Variants in SLC51A observed in about 807,000 individuals in gnomAD.
SLC51A encodes solute carrier family 51 member A, also known as organic solute transporter subunit alpha.
SLC51A carries 22 observed loss-of-function variants against 34.8 expected under a neutral mutation model. The observed-to-expected ratio is 0.63, with a 90% confidence interval of 0.45 to 0.90. The LOEUF is 0.90. Ranked by LOEUF, SLC51A falls within the 40% of genes least tolerant of loss-of-function variation. The pLI, the probability that SLC51A is intolerant of heterozygous loss-of-function variation, is 0.00. For missense variants in SLC51A, 371 were observed against 414.8 expected (o/e 0.89, Z 0.92); for synonymous variants, 181 against 176.3 (o/e 1.03, Z -0.21).
In SLC51A at chr3:196,232,432, T is replaced by C; in HGVS notation, c.794T>C (p.Leu265Pro). The C allele has an allele frequency of 6.2e-7, 1 of 1,614,086 alleles. No individual in the cohort carries two copies. Among genetic ancestry groups the C allele is most frequent in the Non-Finnish European group, 8.5e-7 (1 of 1,179,900 alleles). ...KFALFQVLLI[L>P]TALQPSIFSV... Reference sequence around the variant, plus strand: ...TATGTTCCGCAGGTTCTCCTCATCCTGACTGCCCTACAGCCCTCCATCTTC... The same window carrying C: ...TATGTTCCGCAGGTTCTCCTCATCCCGACTGCCCTACAGCCCTCCATCTTC... Residue 265 changes from leucine to proline, a missense_variant, in exon 8 of 9, where the codon CTG becomes CCG. By Grantham distance (98) the Leu-to-Pro change is moderately conservative. Coordinates refer to ENST00000296327, the MANE Select transcript of SLC51A (RefSeq NM_152672.6).
intron 6 of SLC51A, among the ~76,000 whole-genome samples, chr3:196,229,538 C>T (rs1723979758): frequency 6.6e-6 from 1 of 151,750 alleles, no homozygotes; most frequent in South Asian, 2.1e-4. Flanking sequence ...CCACCACCCC[C>T]GGCTAATTTT....
intron 2 of SLC51A, among the ~76,000 whole-genome samples, chr3:196,223,068 C>A (rs527755270): frequency 6.6e-6 from 1 of 151,838 alleles, no homozygotes; most frequent in South Asian, 2.1e-4. Flanking sequence ...CTCCCATATC[C>A]ACGAGTACAC....
In SLC51A at chr3:196,216,554, G is replaced by T; in HGVS notation, c.-159G>T. The T allele has an allele frequency of 2.6e-6, 2 of 769,496 alleles. No individual in the cohort carries two copies. Among genetic ancestry groups the T allele is most frequent in the Non-Finnish European group, 4.5e-6 (2 of 448,722 alleles). The allele number at this position is 769,496 out of a possible 1,614,324, so 47.7% of individuals were successfully genotyped here. ...ACTCTGAGATAGAAAGTTGGCCCGG[G>T]AAGCTCAAGGAGGGAGAGCGGCAGA... On this transcript the variant is annotated 5_prime_UTR_variant, in exon 1 of 9. Transcript: ENST00000296327. This position sits in a 1 kb window ranked among gnomAD's most constrained non-coding sequence, Gnocchi z 4.5.
At chr3:196,231,649 A>C (rs1023593142) in intron 7 of SLC51A, among the ~76,000 whole-genome samples, 1 of 152,150 alleles carries the variant, frequency 6.6e-6, no homozygotes, top group African/African-American at 2.4e-5. Context: ...ACTTGAGACC[A>C]GGCCGAAAGA....
intron 2 of SLC51A, among the ~76,000 whole-genome samples, chr3:196,222,098 C>A (rs575437608): frequency 1.3e-5 from 2 of 152,272 alleles, no homozygotes; most frequent in South Asian, 4.1e-4. Flanking sequence ...AATATGCAAG[C>A]ATGGAAATAA....
At position 196,228,747 on chromosome 3, in the gene SLC51A, G is replaced by A. The variant is rs905036679; in HGVS notation, c.522-62G>A. On this transcript the variant is annotated intron_variant, in intron 5 of 8. Transcript: ENST00000296327. This position sits in a 1 kb window ranked among gnomAD's most constrained non-coding sequence, Gnocchi z 4.9. ...CAGCCCAGGAGCCCTGTGAGGAGCC[G>A]GGGCGTCTTCCTGGGGCAGGGGGTT... 1.8e-5 allele frequency: 26 copies of A among 1,408,550 alleles called. No individual in the cohort carries two copies. The highest frequency in any genetic ancestry group is 4.6e-5 in the South Asian group (4 of 86,862). 87.3% of individuals were successfully genotyped at this position (1,408,550 alleles called of 1,614,324 possible).
intron 2 of SLC51A, among the ~76,000 whole-genome samples, chr3:196,224,414 G>A (rs1002643305): frequency 6.8e-6 from 1 of 146,656 alleles, no homozygotes; most frequent in African/African-American, 2.5e-5. Flanking sequence ...GCGGTTGTCG[G>A]CTGGACCCGG....
chr3:196,227,297 T>G, intron 3 of SLC51A, 178 bp downstream of exon 3: 1 of 649,760 alleles, frequency 1.5e-6, no homozygotes, highest in East Asian at 2.8e-5. Flanking sequence ...TGGAAGGCTG[T>G]GCAGTGTTTG....
At chr3:196,217,779 G>T (rs1723633527) in intron 1 of SLC51A, 63 bp from the exon 2 acceptor site, 6 of 1,419,344 alleles carry the variant, frequency 4.2e-6, no homozygotes, top group Non-Finnish European at 5.9e-6. Flanking sequence ...TGAGGGTCCA[G>T]TGTGCAACCC....
intron 2 of SLC51A, among the ~76,000 whole-genome samples, chr3:196,225,348 C>T (rs765112876): frequency 3.3e-5 from 5 of 152,146 alleles, no homozygotes; most frequent in African/African-American, 4.8e-5. Context: ...TGCGACTGAC[C>T]GAGACAAGAG....
intron 3 of SLC51A, 102 bp downstream of exon 3, chr3:196,227,221 C>G: frequency 1.1e-6 from 1 of 933,438 alleles, no homozygotes; most frequent in African/African-American, 1.6e-5. Context: ...AAAGAGTGTC[C>G]TGCCACGACC....
At position 196,228,873 on chromosome 3, in the gene SLC51A, C is replaced by G. The variant is rs145114474; in HGVS notation, c.586C>G (p.Leu196Val). The G allele has an allele frequency of 9.7e-5, 157 of 1,614,070 alleles. No homozygotes were observed. The highest frequency in any genetic ancestry group is 1.2e-4 in the Non-Finnish European group (142 of 1,180,032). Residue 196 changes from leucine to valine, a missense_variant, in exon 6 of 9, where the codon CTG becomes GTG. Leu to Val is a conservative substitution (Grantham distance 32). Transcript: ENST00000296327. This position sits in a 1 kb window ranked among gnomAD's most constrained non-coding sequence, Gnocchi z 4.9. ...QYAFLKITLT[L>V]VGLFLVPDGI... is the part of the protein sequence containing the mutation. ...CGCCTTCTTGAAGATAACGCTGACC[C>G]TGGTGGGCCTGTTTCTCGTCCCCGA... is the stretch of plus-strand genomic sequence containing the variant.
chr3:196,223,413 A>G (rs1723814532), intron 2 of SLC51A, among the ~76,000 whole-genome samples: 1 of 151,846 alleles, frequency 6.6e-6, no homozygotes, highest in Non-Finnish European at 1.5e-5. Context: ...GTAAATACAA[A>G]TAGCCCTGAT....
intron 2 of SLC51A, among the ~76,000 whole-genome samples, chr3:196,220,519 C>A (rs923234362): frequency 1.3e-5 from 2 of 152,092 alleles, no homozygotes; most frequent in African/African-American, 4.8e-5. Flanking sequence ...ATCGCTTGAA[C>A]CCGGGAGGCA....
rs538670663 is a variant in SLC51A, at chr3:196,226,957, T to C, written c.134-8T>C. The C allele has an allele frequency of 2.5e-4, 396 of 1,607,270 alleles. 5 individuals are homozygous for C. The South Asian group carries it at 4.2e-3, about 17-fold the overall frequency. ...CGGTCGTCAGCTCTCTGCCTTCTCC[T>C]CCTCTAGCCCTGGGCCCTGTGGAAC... On this transcript the variant is annotated splice_region_variant and splice_polypyrimidine_tract_variant and intron_variant, in intron 2 of 8. Coordinates refer to ENST00000296327, the MANE Select transcript of SLC51A (RefSeq NM_152672.6).
Position 196,228,792 on chromosome 3 carries a change from C to T in SLC51A, c.522-17C>T. ...GGGGTTTGTGGGCCCATGTTCCTAA[C>T]CCTCTTCCCCACTCAGGAAGAAGCT... On this transcript the variant is annotated splice_polypyrimidine_tract_variant and intron_variant, in intron 5 of 8. Transcript: ENST00000296327. The surrounding 1 kb of genome is among the most constrained non-coding windows in gnomAD (Gnocchi z 4.9). The T allele has an allele frequency of 6.2e-7, 1 of 1,606,902 alleles. No individual in the cohort carries two copies. The highest frequency in any genetic ancestry group is 1.1e-5 in the South Asian group (1 of 90,908).
intron 8 of SLC51A, chr3:196,232,760 T>C: frequency 1.7e-6 from 1 of 583,936 alleles, no homozygotes; most frequent in Non-Finnish European, 3.0e-6. Flanking sequence ...CAGGAAGCCA[T>C]GGGTTCAGTC....
intron 1 of SLC51A, 128 bp from the exon 2 acceptor site, chr3:196,217,712 AAG>A (rs1009280224): frequency 3.5e-5 from 22 of 630,998 alleles, no homozygotes; most frequent in African/African-American, 5.5e-5. Flanking sequence ...GAAAGAAAGA[AAG>A]AGAGAGAAAG....
Position 196,228,009 on chromosome 3 carries a change from C to T in SLC51A, c.363-106C>T. On this transcript the variant is annotated intron_variant, in intron 4 of 8. Transcript: ENST00000296327. The surrounding 1 kb of genome is among the most constrained non-coding windows in gnomAD (Gnocchi z 4.9). ...TCCCTCGCCCCTCTTGGGTCACACA[C>T]CCAGAACGCCCAGCCCTAGCTCTGC... 2 of 1,470,530 alleles carry T rather than the reference C, an allele frequency of 1.4e-6. No homozygotes were observed. The highest frequency in any genetic ancestry group is 2.0e-5 in the Admixed American group (1 of 49,708). 91.1% of individuals were successfully genotyped at this position (1,470,530 alleles called of 1,614,324 possible).
Sources: allele counts gnomAD v4.1 joint callset (sites outside exome capture counted in the v4.1 genomes callset), GRCh38; gene constraint gnomAD v4.1.1; non-coding constraint Gnocchi (gnomAD v3.1); transcripts MANE v1.5; gene names NCBI Gene and HGNC (gene_info 2026-07-23, HGNC 2026-07-21).